Variants in CYP2C18 observed in about 807,000 individuals in gnomAD.
CYP2C18 encodes the protein cytochrome P450 2C18.
In CYP2C18, 38 loss-of-function variants were observed where a neutral mutation model predicts 41.3. The observed-to-expected ratio is 0.92, with a 90% CI of 0.71 to 1.21. CYP2C18 has a LOEUF of 1.21. Ranked by LOEUF, CYP2C18 falls within the 50% of genes most tolerant of loss-of-function variation. CYP2C18 has a pLI of 0.00. For synonymous variants in CYP2C18, 236 were observed against 210.0 expected, an observed-to-expected ratio of 1.12 and a Z score of -1.07; for missense variants, 635 against 591.4, an observed-to-expected ratio of 1.07 and a Z score of -0.77.
intron 3 of CYP2C18, among the ~76,000 whole-genome samples, chr10:94,693,306 AG>A (rs1182080651): frequency 2.0e-4 from 31 of 152,092 alleles, no homozygotes; most frequent in African/African-American, 7.0e-4. Context: ...TGAAATCTAA[AG>A]TGTGTAGCAC....
intron 7 of CYP2C18, among the ~76,000 whole-genome samples, chr10:94,728,850 A>C (rs1418938188): frequency 6.6e-6 from 1 of 152,080 alleles, no homozygotes; most frequent in Non-Finnish European, 1.5e-5. Flanking sequence ...ACAATTACCC[A>C]ATGTAGTTTG....
chr10:94,727,180 C>T (rs1302127125), intron 7 of CYP2C18, among the ~76,000 whole-genome samples: 1 of 152,114 alleles, frequency 6.6e-6, no homozygotes, highest in African/African-American at 2.4e-5. Flanking sequence ...ATATCTCATT[C>T]TCAATTATGT....
At chr10:94,712,884 A>T (rs1847463833) in intron 5 of CYP2C18, among the ~76,000 whole-genome samples, 1 of 152,152 alleles carries the variant, frequency 6.6e-6, no homozygotes, top group African/African-American at 2.4e-5. Context: ...CCATTCTAAC[A>T]GATGTGAGGT....
chr10:94,716,571 T>C (rs886247008), intron 5 of CYP2C18, among the ~76,000 whole-genome samples: 3 of 152,224 alleles, frequency 2.0e-5, no homozygotes, highest in Non-Finnish European at 4.4e-5. Context: ...TCTGTTTTTT[T>C]ACATTTGCTG....
At chr10:94,713,879 G>T (rs1287696356) in intron 5 of CYP2C18, among the ~76,000 whole-genome samples, 2 of 152,170 alleles carry the variant, frequency 1.3e-5, no homozygotes, top group African/African-American at 2.4e-5. Context: ...ATTCTAACTG[G>T]TGTGAGATGG....
intron 5 of CYP2C18, among the ~76,000 whole-genome samples, chr10:94,708,879 G>T (rs1165561156): frequency 6.6e-6 from 1 of 152,126 alleles, no homozygotes; most frequent in Non-Finnish European, 1.5e-5. Context: ...ATGTTTTCAA[G>T]GTTCATTGAC....
intron 5 of CYP2C18, among the ~76,000 whole-genome samples, chr10:94,719,129 A>G (rs1031870325): frequency 2.0e-5 from 3 of 152,120 alleles, no homozygotes; most frequent in Non-Finnish European, 2.9e-5. Flanking sequence ...CTATTCTGCA[A>G]TGTCCCTATT....
chr10:94,723,953 A>AG (rs1847689099), intron 6 of CYP2C18, among the ~76,000 whole-genome samples: 1 of 152,148 alleles, frequency 6.6e-6, no homozygotes, highest in Non-Finnish European at 1.5e-5. Context: ...ATCCATACAT[A>AG]TAGATCTGTT....
Position 94,719,041 on chromosome 10 carries a change from C to G in CYP2C18, c.820-1355C>G, listed in dbSNP as rs1847603895. ...TAGAAGTCTCTCAACTTGTTTCTGA[C>G]TTTCTCTCACAGGGAATTGATCTGT... On this transcript the variant is annotated intron_variant, in intron 5 of 8. Transcript: ENST00000285979. Among the ~76,000 whole-genome samples the G allele has an allele frequency of 2.0e-5, 3 of 152,236 alleles. No individual in the cohort carries two copies. The South Asian group carries it at 6.2e-4, about 32-fold the overall frequency.
intron 3 of CYP2C18, among the ~76,000 whole-genome samples, chr10:94,694,453 CT>C (rs1440978581): frequency 6.6e-6 from 1 of 152,164 alleles, no homozygotes; most frequent in African/African-American, 2.4e-5. Flanking sequence ...TCCCCCTCTG[CT>C]GGTACTACAC....
At chr10:94,708,582 T>C (rs1847382548) in intron 5 of CYP2C18, among the ~76,000 whole-genome samples, 1 of 152,186 alleles carries the variant, frequency 6.6e-6, no homozygotes, top group Admixed American at 6.5e-5. Flanking sequence ...TTTCACAGCA[T>C]TTTTATTGAG....
In CYP2C18 at chr10:94,688,215, T is replaced by C; in HGVS notation, c.422T>C (p.Ile141Thr). ...LRNFGMGKRS[I>T]EDRVQEEARC... ...AATTTTGGGATGGGGAAGAGGAGCA[T>C]CGAGGACCGTGTTCAAGAGGAAGCC... is the stretch of plus-strand genomic sequence containing the variant. Residue 141 changes from isoleucine (I) to threonine (T), a missense_variant, in exon 3 of 9, where the codon ATC (isoleucine) becomes ACC (threonine). Coordinates refer to ENST00000285979, the MANE Select transcript of CYP2C18 (RefSeq NM_000772.3). 6.2e-7 allele frequency: 1 copy of C among 1,613,678 alleles called. No individual in the cohort carries two copies. The highest frequency in any genetic ancestry group is 1.7e-5 in the Admixed American group (1 of 59,978).
At chr10:94,728,813 A>G (rs1847785352) in intron 7 of CYP2C18, among the ~76,000 whole-genome samples, 1 of 152,134 alleles carries the variant, frequency 6.6e-6, no homozygotes, top group South Asian at 2.1e-4. Flanking sequence ...CAAAAATTCA[A>G]CTGATACAGA....
At chr10:94,692,196 C>T (rs565377724) in intron 3 of CYP2C18, among the ~76,000 whole-genome samples, 9 of 152,184 alleles carry the variant, frequency 5.9e-5, no homozygotes, top group Non-Finnish European at 1.3e-4. Context: ...AACTAAAGAG[C>T]TTCTGCACAG....
At chr10:94,733,614 G>T in intron 8 of CYP2C18, 176 bp downstream of exon 8, 1 of 984,796 alleles carries the variant, frequency 1.0e-6, no homozygotes, top group Non-Finnish European at 1.2e-6. Flanking sequence ...ATTGGGCCAG[G>T]TTAGTGGGGC....
intron 4 of CYP2C18, among the ~76,000 whole-genome samples, chr10:94,704,939 A>G (rs767312374): frequency 6.6e-6 from 1 of 152,164 alleles, no homozygotes; most frequent in Admixed American, 6.6e-5. Flanking sequence ...GTTTTGAATC[A>G]GGTGAAACAA....
chr10:94,699,924 T>C (rs574272060), intron 4 of CYP2C18, among the ~76,000 whole-genome samples: 8 of 152,276 alleles, frequency 5.3e-5, no homozygotes, highest in African/African-American at 1.9e-4. Flanking sequence ...TTCCAAGGGA[T>C]GTGAAGGACC....
chr10:94,723,713 T>C (rs747043745), intron 6 of CYP2C18, among the ~76,000 whole-genome samples: 6 of 152,148 alleles, frequency 3.9e-5, no homozygotes, highest in Non-Finnish European at 8.8e-5. Context: ...TGTCTATTTG[T>C]TATGGGGTGA....
chr10:94,688,166 C>A lies in CYP2C18; in HGVS notation c.373C>A (p.Arg125Ser). ...SNGKRWKEIR[R>S]FCLMTLRNFG... ...TGGAAAGAGATGGAAGGAGATCCGGCGTTTCTGCCTCATGACTCTGCGGAA... is the reference window on the plus strand; with the variant it reads ...TGGAAAGAGATGGAAGGAGATCCGGAGTTTCTGCCTCATGACTCTGCGGAA... The change falls in exon 3 of 9, where the codon CGT becomes AGT. Residue 125 changes from arginine to serine, a missense_variant. Transcript: ENST00000285979. 1 of 1,613,626 alleles carries A rather than the reference C, an allele frequency of 6.2e-7. No individual in the cohort carries two copies. Among genetic ancestry groups the A allele is most frequent in the Admixed American group, 1.7e-5 (1 of 59,956 alleles).
Sources: allele counts gnomAD v4.1 joint callset (sites outside exome capture counted in the v4.1 genomes callset), GRCh38; gene constraint gnomAD v4.1.1; transcripts MANE v1.5; gene names NCBI Gene and HGNC (gene_info 2026-07-23, HGNC 2026-07-21).